Variants in POFUT3 observed in about 807,000 individuals in gnomAD.
POFUT3 encodes the protein GDP-fucose protein O-fucosyltransferase 3.
the POFUT3 span, among the ~76,000 whole-genome samples, chr8:33,418,344 A>T: frequency 0.019 from 2,879 of 152,070 alleles, 86 homozygotes; most frequent in African/African-American, 0.066. Context: ...TATGCCAGTT[A>T]CAACAGCTAA....
the POFUT3 span, chr8:33,372,655 G>A: frequency 7.4e-6 from 12 of 1,613,958 alleles, no homozygotes; most frequent in South Asian, 9.9e-5. Context: ...TTAGTGCCTG[G>A]GCTTCTTTCT....
At chr8:33,425,142 C>A in the POFUT3 span, among the ~76,000 whole-genome samples, 3 of 151,976 alleles carry the variant, frequency 2.0e-5, no homozygotes, top group Admixed American at 6.6e-5. Flanking sequence ...TCAAGACCAG[C>A]CTGGGCAACA....
chr8:33,443,600 C>T, the POFUT3 span, among the ~76,000 whole-genome samples: 1 of 152,166 alleles, frequency 6.6e-6, no homozygotes, highest in Admixed American at 6.5e-5. Context: ...TCAAGTGATT[C>T]TTGCACCTCA....
At chr8:33,314,456 A>G in the POFUT3 span, among the ~76,000 whole-genome samples, 2 of 152,206 alleles carry the variant, frequency 1.3e-5, no homozygotes, top group African/African-American at 4.8e-5. Flanking sequence ...TCCACCAGTT[A>G]TTAGCTGTGA....
chr8:33,322,544 C>T, the POFUT3 span, among the ~76,000 whole-genome samples: 3 of 151,960 alleles, frequency 2.0e-5, no homozygotes, highest in African/African-American at 7.3e-5. Context: ...GGTTGTCAGG[C>T]TAATTGGGAT....
the POFUT3 span, among the ~76,000 whole-genome samples, chr8:33,332,029 G>C: frequency 6.6e-6 from 1 of 151,850 alleles, no homozygotes; most frequent in Non-Finnish European, 1.5e-5. Context: ...TGTAGTACCA[G>C]CTACTCAGGA....
the POFUT3 span, chr8:33,360,997 C>T: frequency 6.6e-6 from 1 of 152,204 alleles, no homozygotes; most frequent in Non-Finnish European, 1.5e-5. Flanking sequence ...CTTCAAGATG[C>T]TTGTCTTAGG....
chr8:33,421,912 C>T, the POFUT3 span, among the ~76,000 whole-genome samples: 1 of 151,456 alleles, frequency 6.6e-6, no homozygotes, highest in African/African-American at 2.4e-5. Flanking sequence ...GGTGAAAGGC[C>T]CACCTTGATG....
chr8:33,421,674 G>A, the POFUT3 span, among the ~76,000 whole-genome samples: 1 of 152,118 alleles, frequency 6.6e-6, no homozygotes, highest in South Asian at 2.1e-4. Flanking sequence ...TCTGATATGC[G>A]GTGGATGCTC....
the POFUT3 span, among the ~76,000 whole-genome samples, chr8:33,434,442 T>TC: frequency 6.6e-6 from 1 of 152,088 alleles, no homozygotes; most frequent in Non-Finnish European, 1.5e-5. Flanking sequence ...AGAAAGGAAG[T>TC]CCCAGAGGGC....
At chr8:33,446,084 G>T in the POFUT3 span, among the ~76,000 whole-genome samples, 1 of 152,130 alleles carries the variant, frequency 6.6e-6, no homozygotes, top group South Asian at 2.1e-4. Flanking sequence ...GGGAGAAGAG[G>T]AACCAGGAAA....
At chr8:33,384,023 C>T in the POFUT3 span, among the ~76,000 whole-genome samples, 3 of 151,478 alleles carry the variant, frequency 2.0e-5, no homozygotes, top group South Asian at 4.2e-4. Context: ...GTTCCAACTG[C>T]AGCTGCCTTG....
chr8:33,372,829 A>T, the POFUT3 span: 14 of 1,602,656 alleles, frequency 8.7e-6, no homozygotes, highest in Admixed American at 1.7e-5. Flanking sequence ...AAGAGAAATG[A>T]ATTAAAAACA....
At chr8:33,408,001 A>AAAAAG in the POFUT3 span, among the ~76,000 whole-genome samples, 1 of 150,958 alleles carries the variant, frequency 6.6e-6, no homozygotes, top group Non-Finnish European at 1.5e-5. Context: ...AAAAAAAAAA[A>AAAAAG]AAAAGAAAAG....
At chr8:33,312,277 TAGAGAGAG>T in the POFUT3 span, among the ~76,000 whole-genome samples, 13 of 137,546 alleles carry the variant, frequency 9.5e-5, no homozygotes, top group Non-Finnish European at 1.4e-4. Context: ...AAAAAAGAAA[TAGAGAGAG>T]AGAGAGAGAG....
chr8:33,442,727 T>C, the POFUT3 span, among the ~76,000 whole-genome samples: 1 of 152,132 alleles, frequency 6.6e-6, no homozygotes, highest in South Asian at 2.1e-4. Context: ...CCTAAAGTGC[T>C]GGGATTATAG....
chr8:33,381,625 G>C, the POFUT3 span, among the ~76,000 whole-genome samples: 1 of 152,210 alleles, frequency 6.6e-6, no homozygotes, highest in Non-Finnish European at 1.5e-5. Context: ...TCTTATGCTA[G>C]AAAGCGTTAA....
At chr8:33,436,648 A>C in the POFUT3 span, 228 of 862,550 alleles carry the variant, frequency 2.6e-4, 1 homozygote, top group African/African-American at 3.0e-3. Context: ...GAGTGAGCGA[A>C]TCTCCCGCTG....
At chr8:33,311,087 A>T in the POFUT3 span, among the ~76,000 whole-genome samples, 1 of 152,142 alleles carries the variant, frequency 6.6e-6, no homozygotes, top group Admixed American at 6.5e-5. Context: ...GGGAGAAAGG[A>T]CCTGGTTTTT....
Sources: gnomAD v4.1 joint callset for allele counts (sites outside exome capture counted in the v4.1 genomes callset) on GRCh38, gnomAD v4.1.1 for gene constraint, MANE v1.5 for transcripts, NCBI Gene and HGNC (gene_info 2026-07-23, HGNC 2026-07-21) for gene names.